The following WDSUB1 variants were observed in gnomAD, a reference collection of about 807,000 sequenced individuals.
The protein encoded by WDSUB1 is WD repeat, sterile alpha motif and U-box domain containing 1.
Under a neutral mutation model 53.9 loss-of-function variants are expected in WDSUB1, and 49 were observed. The ratio of observed to expected loss-of-function variants is 0.91; its 90% confidence interval spans 0.72 to 1.15. The LOEUF is 1.15. Among genes scored for constraint, WDSUB1 ranks in the 50% most tolerant of loss-of-function variants. The probability of loss-of-function intolerance (pLI) is 0.00; values close to 1 mark genes in which losing one functional copy is unlikely to be tolerated. For synonymous variants in WDSUB1, 194 were observed against 200.6 expected (o/e 0.97, Z 0.28); for missense variants, 514 against 562.0 (o/e 0.91, Z 0.86).
At chr2:159,279,626 C>T (rs2061609781) in intron 3 of WDSUB1, 135 bp downstream of exon 3, 1 of 641,358 alleles carries the variant, frequency 1.6e-6, no homozygotes, top group Admixed American at 3.9e-5. Flanking sequence ...AAGGATAATC[C>T]CTTTACAGGA....
At chr2:159,259,726 C>G (rs576186403) in intron 6 of WDSUB1, 84 bp downstream of exon 6, 1 of 1,346,296 alleles carries the variant, frequency 7.4e-7, no homozygotes, top group East Asian at 2.7e-5. Context: ...AAAATATATA[C>G]TTTTTCTACC....
intron 1 of WDSUB1, among the ~76,000 whole-genome samples, chr2:159,286,040 A>G (rs1306295855): frequency 1.3e-5 from 2 of 152,082 alleles, no homozygotes; most frequent in African/African-American, 2.4e-5. Context: ...TCAGCTGAAC[A>G]GTTTGTTTTG....
At chr2:159,256,745 T>G (rs1383309255) in intron 8 of WDSUB1, among the ~76,000 whole-genome samples, 4 of 152,200 alleles carry the variant, frequency 2.6e-5, no homozygotes, top group African/African-American at 9.6e-5. Flanking sequence ...GCACCACTAT[T>G]TAGATAATTC....
At chr2:159,239,841 G>T (rs1487918513) in intron 10 of WDSUB1, among the ~76,000 whole-genome samples, 1 of 152,178 alleles carries the variant, frequency 6.6e-6, no homozygotes, top group African/African-American at 2.4e-5. Context: ...CACCTTGGGG[G>T]CCTGAGTTCT....
intron 5 of WDSUB1, 78 bp from the exon 6 acceptor site, chr2:159,259,921 A>G: frequency 7.5e-7 from 1 of 1,325,908 alleles, no homozygotes. Context: ...ATTTTTAAGT[A>G]ATTTTAGTAA....
Position 159,252,183 on chromosome 2 carries a change from CAAGAG to C in WDSUB1, c.1133-3676_1133-3672del, listed in dbSNP as rs1417823889. 2.7e-4 allele frequency among the ~76,000 whole-genome samples: 41 copies of C among 151,988 alleles called. 1 individual carries two copies. The highest frequency in any genetic ancestry group is 2.7e-3 in the Admixed American group (41 of 15,268). The stretch of plus-strand genomic sequence containing the variant: ...AAATCAAATTTCTACATAGAATGAT[CAAGAG>C]AAGACACGAAACCTATATTAAGAAT... On this transcript the variant is annotated intron_variant, in intron 9 of 10. Coordinates refer to ENST00000359774, the MANE Select transcript of WDSUB1 (RefSeq NM_001128212.3).
At position 159,286,665 on chromosome 2, in the gene WDSUB1, G is replaced by A. The variant is rs891500148; in HGVS notation, c.-107C>T. On this transcript the variant is annotated 5_prime_UTR_variant, in exon 1 of 11. Coordinates refer to ENST00000359774, the MANE Select transcript of WDSUB1 (RefSeq NM_001128212.3). ...CACGTGCCGCGCAGGTGAGGCTGGC[G>A]GGGCGGGCGCCGGCGGAGACCCAGA... is the stretch of plus-strand genomic sequence containing the variant. 6.6e-6 allele frequency: 1 copy of A among 152,486 alleles called. No homozygotes were observed. Among genetic ancestry groups the A allele is most frequent in the Non-Finnish European group, 1.5e-5 (1 of 68,334 alleles). 9.4% of individuals were successfully genotyped at this position (152,486 alleles called of 1,614,324 possible).
chr2:159,271,231 G>A (rs2151128006), intron 5 of WDSUB1, among the ~76,000 whole-genome samples: 1 of 151,994 alleles, frequency 6.6e-6, no homozygotes, highest in South Asian at 2.1e-4. Flanking sequence ...GCATGAACAT[G>A]TACACCAGGA....
chr2:159,262,084 T>C (rs535234741), intron 5 of WDSUB1, among the ~76,000 whole-genome samples: 178 of 150,678 alleles, frequency 1.2e-3, no homozygotes, highest in African/African-American at 4.0e-3. Context: ...AAGAAAATGG[T>C]TCTCTCATCT....
In WDSUB1 at chr2:159,256,198, A is replaced by ATT. The variant is rs1445265044; in HGVS notation, c.1128_1129dup (p.Ile377LysfsTer5). On this transcript the variant is annotated frameshift_variant, in exon 9 of 11. Transcript: ENST00000359774. LOFTEE classifies it high-confidence loss of function. Reference sequence around the variant, plus strand: ...TGCCTATCTTTCACTAAGCTTACCAATTTTCAAATCATCAGCCAGACTTTC... The same window carrying ATT: ...TGCCTATCTTTCACTAAGCTTACCAATTTTTTCAAATCATCAGCCAGACTTTC... The ATT allele has an allele frequency of 1.9e-6, 3 of 1,595,238 alleles. No homozygotes were observed. The highest frequency in any genetic ancestry group is 1.8e-4 in the Middle Eastern group (1 of 5,564).
Position 159,241,553 on chromosome 2 carries a change from C to CTCTG in WDSUB1, c.1274-5367_1274-5364dup, listed in dbSNP as rs549169224. 4.5e-4 allele frequency among the ~76,000 whole-genome samples: 61 copies of CTCTG among 134,486 alleles called. 4 individuals are homozygous for CTCTG. Among genetic ancestry groups the CTCTG allele is most frequent in the Non-Finnish European group, 6.6e-4 (44 of 66,564 alleles). The allele number at this position is 134,486 out of a possible 152,430, so 88.2% of individuals were successfully genotyped here. A position where few individuals can be genotyped will look rare whatever the true frequency, so the allele number is the denominator to read the frequency against. ...TTCCAGCCTGGGTGACACAGTGAGA[C>CTCTG]TCTGTCTCAAAACAAAAATTATCTT... On this transcript the variant is annotated intron_variant, in intron 10 of 10. Transcript: ENST00000359774.
intron 9 of WDSUB1, among the ~76,000 whole-genome samples, chr2:159,254,128 A>G (rs755864901): frequency 1.1e-4 from 16 of 152,204 alleles, no homozygotes; most frequent in African/African-American, 2.2e-4. Context: ...CTGTATTTCA[A>G]TTTTGGCTTG....
chr2:159,283,907 C>T (rs1281700447), intron 1 of WDSUB1, among the ~76,000 whole-genome samples: 1 of 152,296 alleles, frequency 6.6e-6, no homozygotes, highest in African/African-American at 2.4e-5. Flanking sequence ...TCCCGCCTCG[C>T]GGGTTCAAGT....
At chr2:159,244,859 G>A (rs1213651093) in intron 10 of WDSUB1, among the ~76,000 whole-genome samples, 1 of 152,194 alleles carries the variant, frequency 6.6e-6, no homozygotes, top group Non-Finnish European at 1.5e-5. Context: ...GAGCCCAGGA[G>A]GTCGAAACTG....
chr2:159,279,888 G>C lies in WDSUB1; in HGVS notation c.456C>G (p.Ser152Arg), dbSNP rs1274427486. The C allele has an allele frequency of 6.2e-7, 1 of 1,612,454 alleles. No homozygotes were observed. The highest frequency in any genetic ancestry group is 1.1e-5 in the South Asian group (1 of 90,934). The change falls in exon 3 of 11, where the codon AGC becomes AGG. Residue 152 changes from serine (S) to arginine (R), a missense_variant. Coordinates refer to ENST00000359774, the MANE Select transcript of WDSUB1 (RefSeq NM_001128212.3). ...CACATGAGGAGCCAGTGACAAAGAAGCTTCCATTAGGAGAAAATGCACATG... is the reference window on the plus strand; with the variant it reads ...CACATGAGGAGCCAGTGACAAAGAACCTTCCATTAGGAGAAAATGCACATG... ...LAACAFSPNG[S>R]FFVTGSSCGD...
At chr2:159,236,631 T>G (rs1228412274) in intron 10 of WDSUB1, among the ~76,000 whole-genome samples, 1 of 151,778 alleles carries the variant, frequency 6.6e-6, no homozygotes, top group Non-Finnish European at 1.5e-5. Flanking sequence ...CCCTAAGGAT[T>G]TGACAGCGAA....
chr2:159,249,954 T>C (rs2060910370), intron 9 of WDSUB1, among the ~76,000 whole-genome samples: 3 of 151,460 alleles, frequency 2.0e-5, no homozygotes, highest in Non-Finnish European at 4.4e-5. Flanking sequence ...CTGGATGTGT[T>C]GGCACATGCC....
intron 3 of WDSUB1, 78 bp from the exon 4 acceptor site, chr2:159,275,716 G>T: frequency 9.0e-7 from 1 of 1,111,398 alleles, no homozygotes; most frequent in Non-Finnish European, 1.3e-6. Flanking sequence ...CTTATACTAA[G>T]ATCTATTAAT....
At chr2:159,285,480 TG>T (rs1255861124) in intron 1 of WDSUB1, among the ~76,000 whole-genome samples, 5 of 151,490 alleles carry the variant, frequency 3.3e-5, no homozygotes, top group African/African-American at 1.2e-4. Flanking sequence ...CCGAGATGGG[TG>T]GAACACTTGA....
Sources: allele counts gnomAD v4.1 joint callset (sites outside exome capture counted in the v4.1 genomes callset), GRCh38; gene constraint gnomAD v4.1.1; transcripts MANE v1.5; gene names NCBI Gene and HGNC (gene_info 2026-07-23, HGNC 2026-07-21).